Variants in PSMD3 observed in about 807,000 individuals in gnomAD.
PSMD3 encodes the protein 26S proteasome non-ATPase regulatory subunit 3.
In PSMD3, 5 loss-of-function variants were observed where a neutral mutation model predicts 62.8. The observed-to-expected ratio is 0.08, with a 90% CI of 0.04 to 0.17. PSMD3 has a LOEUF of 0.17. PSMD3 is among the 10% of genes least tolerant of loss of function. The pLI is 1.00. For synonymous variants in PSMD3, 265 were observed against 283.9 expected (o/e 0.93, Z 0.67); for missense variants, 524 against 713.6 (o/e 0.73, Z 3.03).
At chr17:39,992,556 C>T (rs1005523029) in intron 6 of PSMD3, among the ~76,000 whole-genome samples, 8 of 152,180 alleles carry the variant, frequency 5.3e-5, no homozygotes, top group Non-Finnish European at 1.0e-4. Flanking sequence ...CTGTTCAAAG[C>T]GGAGGTCAGC....
At chr17:39,981,281 C>A in intron 1 of PSMD3, 91 bp downstream of exon 1, 1 of 1,526,590 alleles carries the variant, frequency 6.6e-7, no homozygotes, top group South Asian at 1.2e-5. Context: ...CAGCAGCCTC[C>A]ACCACCCTCA....
At position 39,997,695 on chromosome 17, in the gene PSMD3, G is replaced by C; in HGVS notation, c.*114G>C. On this transcript the variant is annotated 3_prime_UTR_variant, in exon 12 of 12. Transcript: ENST00000264639. ...CACACACAGCTCATATGCTGCATTC[G>C]TGCAGGGGGTGGGGGTGCTGGGAGC... 8.0e-7 allele frequency: 1 copy of C among 1,249,448 alleles called. No homozygotes were observed. Among genetic ancestry groups the C allele is most frequent in the East Asian group, 2.5e-5 (1 of 39,704 alleles). The allele number at this position is 1,249,448 out of a possible 1,614,324, so 77.4% of individuals were successfully genotyped here. A position where few individuals can be genotyped will look rare whatever the true frequency, so the allele number is the denominator to read the frequency against.
chr17:39,994,791 T>C, intron 6 of PSMD3, 163 bp from the exon 7 acceptor site: 1 of 632,656 alleles, frequency 1.6e-6, no homozygotes, highest in South Asian at 1.9e-5. Context: ...GCTTGGATTC[T>C]ATGCCCAGCA....
Position 39,997,940 on chromosome 17 carries a change from A to AT in PSMD3, c.*360dup, listed in dbSNP as rs1233242347. On this transcript the variant is annotated 3_prime_UTR_variant, in exon 12 of 12. Coordinates refer to ENST00000264639, the MANE Select transcript of PSMD3 (RefSeq NM_002809.4). ...AAGCTTCGATTATGATTTTTAAACA[A>AT]TAAAAAGTTCTCCACAGTGCTTTGT... is the stretch of plus-strand genomic sequence containing the variant. 3.2e-6 allele frequency: 1 copy of AT among 310,056 alleles called. No individual in the cohort carries two copies. Among genetic ancestry groups the AT allele is most frequent in the African/African-American group, 2.1e-5 (1 of 46,738 alleles). The allele number at this position is 310,056 out of a possible 1,614,324, so 19.2% of individuals were successfully genotyped here. A position where few individuals can be genotyped will look rare whatever the true frequency, so the allele number is the denominator to read the frequency against.
At chr17:39,987,887 C>G (rs557058642) in intron 3 of PSMD3, among the ~76,000 whole-genome samples, 7 of 152,332 alleles carry the variant, frequency 4.6e-5, no homozygotes, top group Admixed American at 3.9e-4. Flanking sequence ...GCAGGCAGAT[C>G]ATGAGGTCAG....
intron 1 of PSMD3, among the ~76,000 whole-genome samples, chr17:39,982,992 T>G (rs1271008495): frequency 6.6e-6 from 1 of 152,208 alleles, no homozygotes; most frequent in Non-Finnish European, 1.5e-5. Flanking sequence ...CTGTGCTGAT[T>G]TACATTATAC....
intron 1 of PSMD3, among the ~76,000 whole-genome samples, chr17:39,983,928 G>A (rs1453663968): frequency 2.6e-5 from 4 of 152,048 alleles, no homozygotes; most frequent in African/African-American, 7.3e-5. Context: ...TGGCCGGCAC[G>A]GTGGCTCACG....
In PSMD3 at chr17:39,994,971, C is replaced by T. The variant is rs77131023; in HGVS notation, c.999C>T (p.Ile333=). 1,337 of 1,614,178 alleles carry T rather than the reference C, an allele frequency of 8.3e-4. 11 individuals carry two copies. In the African/African-American group the frequency reaches 0.015, roughly 18 times the overall value. Residue 333 remains isoleucine (I), a synonymous_variant, in exon 7 of 12, where the codon ATC becomes ATT. Transcript: ENST00000264639. ...CTGTCCAGGTGCACAAGCTTCTCAT[C>T]GTGGTGGAGCTGTTGCTGGGGGAGA... ...GFKQTVHKLL[I]VVELLLGEIP... is the part of the protein sequence containing the mutation.
At chr17:39,990,290 T>A in intron 6 of PSMD3, 93 bp downstream of exon 6, 7 of 1,113,542 alleles carry the variant, frequency 6.3e-6, no homozygotes, top group Non-Finnish European at 9.0e-6. Flanking sequence ...CTTGAACTCC[T>A]GGGTTCAAGA....
chr17:39,995,123 T>C lies in PSMD3; in HGVS notation c.1097-53T>C, dbSNP rs1180478437. On this transcript the variant is annotated intron_variant, in intron 7 of 11. Coordinates refer to ENST00000264639, the MANE Select transcript of PSMD3 (RefSeq NM_002809.4). This position sits in a 1 kb window ranked among gnomAD's most constrained non-coding sequence, Gnocchi z 4.1. ...ACTAGGCCCCCTTCAGTGGGGCCTC[T>C]TACATGCCTGTGCCTATTTGCATCA... is the stretch of plus-strand genomic sequence containing the variant. The C allele has an allele frequency of 1.9e-6, 3 of 1,614,090 alleles. No homozygotes were observed. Among genetic ancestry groups the C allele is most frequent in the East Asian group, 2.2e-5 (1 of 44,876 alleles).
At position 39,986,577 on chromosome 17, in the gene PSMD3, C is replaced by A. The variant is rs1318857946; in HGVS notation, c.414C>A (p.Pro138=). ...RDFLLPFLEE[P]MDTEADLQFR... ...TGGTAACTTCTGTCCTCTCCTAGCCCATGGACACAGAGGCTGATTTACAGT... is the reference window on the plus strand; with the variant it reads ...TGGTAACTTCTGTCCTCTCCTAGCCAATGGACACAGAGGCTGATTTACAGT... Residue 138 remains proline, a splice_region_variant and synonymous_variant, in exon 3 of 12, where the codon CCC becomes CCA. Transcript: ENST00000264639. The A allele has an allele frequency of 6.2e-7, 1 of 1,614,188 alleles. No individual in the cohort carries two copies. Among genetic ancestry groups the A allele is most frequent in the South Asian group, 1.1e-5 (1 of 91,078 alleles).
chr17:39,984,940 T>C (rs548875550), intron 2 of PSMD3, among the ~76,000 whole-genome samples: 1 of 150,576 alleles, frequency 6.6e-6, no homozygotes, highest in East Asian at 1.9e-4. Flanking sequence ...GTGGCTAACA[T>C]CGTCATCCCA....
chr17:39,988,677 C>G lies in PSMD3; in HGVS notation c.550-6C>G, dbSNP rs904320232. On this transcript the variant is annotated splice_region_variant and splice_polypyrimidine_tract_variant and intron_variant, in intron 3 of 11. Coordinates refer to ENST00000264639, the MANE Select transcript of PSMD3 (RefSeq NM_002809.4). ...CCACTTGATTCTCTTTTGGCTTCCT[C>G]CCCAGGCACAGAAGATCTCTGATGA... The G allele has an allele frequency of 6.2e-7, 1 of 1,613,908 alleles. No homozygotes were observed. The highest frequency in any genetic ancestry group is 1.7e-5 in the Admixed American group (1 of 59,970).
At chr17:39,983,092 G>A (rs1276857450) in intron 1 of PSMD3, among the ~76,000 whole-genome samples, 4 of 151,886 alleles carry the variant, frequency 2.6e-5, no homozygotes, top group Admixed American at 2.6e-4. Flanking sequence ...GAGTGCAATG[G>A]CGCGATCTCG....
intron 6 of PSMD3, 46 bp from the exon 7 acceptor site, chr17:39,994,907 GC>G (rs1568139151): frequency 1.9e-6 from 3 of 1,540,428 alleles, no homozygotes; most frequent in Admixed American, 1.7e-5. Flanking sequence ...TTCTTCTTCC[GC>G]CCATGGGGCT....
At chr17:39,987,606 C>T (rs1219851289) in intron 3 of PSMD3, among the ~76,000 whole-genome samples, 2 of 152,230 alleles carry the variant, frequency 1.3e-5, no homozygotes, top group South Asian at 2.1e-4. Flanking sequence ...GCTCAGCCTC[C>T]CAAAGTGTTA....
chr17:39,987,125 T>C (rs1449524348), intron 3 of PSMD3, among the ~76,000 whole-genome samples: 1 of 152,204 alleles, frequency 6.6e-6, no homozygotes, highest in Non-Finnish European at 1.5e-5. Context: ...TAGAAATACT[T>C]AGCGCAATGA....
chr17:39,982,247 A>G (rs960316885), intron 1 of PSMD3, among the ~76,000 whole-genome samples: 4 of 152,238 alleles, frequency 2.6e-5, no homozygotes, highest in Admixed American at 2.0e-4. Context: ...AGTGGCAGCA[A>G]TGTCAAAGGT....
intron 6 of PSMD3, chr17:39,994,688 A>C: frequency 1.1e-5 from 5 of 469,892 alleles, no homozygotes; most frequent in Non-Finnish European, 1.2e-5. Context: ...AGAGCAGACT[A>C]CGCGCGGGGT....
Sources: allele counts gnomAD v4.1 joint callset (sites outside exome capture counted in the v4.1 genomes callset), GRCh38; gene constraint gnomAD v4.1.1; non-coding constraint Gnocchi (gnomAD v3.1); transcripts MANE v1.5; gene names NCBI Gene and HGNC (gene_info 2026-07-23, HGNC 2026-07-21).